Variants in ZNF704 observed in about 807,000 individuals in gnomAD.
ZNF704 encodes glucocorticoid induced gene 1.
ZNF704 carries 10 observed loss-of-function variants against 44.7 expected under a neutral mutation model. The ratio of observed to expected loss-of-function variants is 0.22; its 90% CI spans 0.14 to 0.38. ZNF704 has a LOEUF of 0.38. ZNF704 is among the 10% of genes least tolerant of loss of function. ZNF704 has a pLI of 1.00. For missense variants in ZNF704, 390 were observed against 545.5 expected, an observed-to-expected ratio of 0.71 and a Z score of 2.84; for synonymous variants, 211 against 207.6, an observed-to-expected ratio of 1.02 and a Z score of -0.14.
Position 80,633,588 on chromosome 8 carries a change from T to C in ZNF704, c.*7778A>G, listed in dbSNP as rs1467569839. 6.6e-6 allele frequency: 1 copy of C among 152,232 alleles called. No individual in the cohort carries two copies. Among genetic ancestry groups the C allele is most frequent in the East Asian group, 1.9e-4 (1 of 5,190 alleles). 9.4% of individuals were successfully genotyped at this position (152,232 alleles called of 1,614,324 possible). The stretch of plus-strand genomic sequence containing the variant: ...ACTAAGGTTTGAGCCAGGCCTTTAA[T>C]GAGCCCCTTCCCTCTTCCTTGCAAG... On this transcript the variant is annotated 3_prime_UTR_variant, in exon 9 of 9. Coordinates refer to ENST00000327835, the MANE Select transcript of ZNF704 (RefSeq NM_001033723.3).
chr8:80,733,521 C>CT (rs1296817277), intron 2 of ZNF704, among the ~76,000 whole-genome samples: 10 of 152,244 alleles, frequency 6.6e-5, no homozygotes, highest in Non-Finnish European at 1.2e-4. Flanking sequence ...GCTTCAGACT[C>CT]TGAGTGGGCC....
chr8:80,727,237 C>T (rs1806496194), intron 2 of ZNF704, among the ~76,000 whole-genome samples: 1 of 152,064 alleles, frequency 6.6e-6, no homozygotes, highest in Non-Finnish European at 1.5e-5. Context: ...CACATTTCTC[C>T]CTTGCTATAG....
intron 2 of ZNF704, among the ~76,000 whole-genome samples, chr8:80,802,266 G>A (rs1457344285): frequency 6.7e-6 from 1 of 149,572 alleles, no homozygotes; most frequent in African/African-American, 2.5e-5. Context: ...ACAAAGAAGA[G>A]CTGGTACTAT....
intron 2 of ZNF704, among the ~76,000 whole-genome samples, chr8:80,807,539 CA>C (rs397945386): frequency 7.3e-5 from 11 of 151,478 alleles, no homozygotes; most frequent in African/African-American, 2.7e-4. Flanking sequence ...TGACCCCCCC[CA>C]AAAAAAAGTT....
chr8:80,726,536 A>G (rs761622107), intron 2 of ZNF704, among the ~76,000 whole-genome samples: 4 of 152,208 alleles, frequency 2.6e-5, no homozygotes, highest in Admixed American at 6.5e-5. Flanking sequence ...TACATACTCA[A>G]AAGATTATGG....
intron 2 of ZNF704, among the ~76,000 whole-genome samples, chr8:80,769,246 A>G (rs1045884416): frequency 2.0e-5 from 3 of 152,200 alleles, no homozygotes; most frequent in African/African-American, 7.2e-5. Context: ...CCACTTACTC[A>G]GCAATTATTA....
chr8:80,713,932 A>G (rs1563528422), intron 2 of ZNF704, among the ~76,000 whole-genome samples: 1 of 152,214 alleles, frequency 6.6e-6, no homozygotes, highest in Non-Finnish European at 1.5e-5. Context: ...AGAAGAATAC[A>G]CTGCAATCCT....
chr8:80,689,198 T>G (rs1278934611), intron 3 of ZNF704, among the ~76,000 whole-genome samples: 1 of 152,190 alleles, frequency 6.6e-6, no homozygotes, highest in Non-Finnish European at 1.5e-5. Context: ...TAATTAGTAA[T>G]GGAGTGAAGA....
chr8:80,750,565 G>A (rs1187879410), intron 2 of ZNF704, among the ~76,000 whole-genome samples: 1 of 151,218 alleles, frequency 6.6e-6, no homozygotes, highest in East Asian at 1.9e-4. Flanking sequence ...GCCCAGGCTG[G>A]AGTGCAATGG....
At chr8:80,811,142 C>T (rs556551874) in intron 2 of ZNF704, among the ~76,000 whole-genome samples, 6 of 152,178 alleles carry the variant, frequency 3.9e-5, no homozygotes, top group African/African-American at 1.4e-4. Context: ...GGCTATAGAT[C>T]ACTTGAAATG....
chr8:80,768,871 T>C (rs1429641840), intron 2 of ZNF704, among the ~76,000 whole-genome samples: 1 of 152,190 alleles, frequency 6.6e-6, no homozygotes, highest in African/African-American at 2.4e-5. Context: ...GAGCTAGTTG[T>C]CAAATATTTA....
chr8:80,867,379 G>T (rs1809172832), intron 1 of ZNF704, among the ~76,000 whole-genome samples: 1 of 152,138 alleles, frequency 6.6e-6, no homozygotes, highest in African/African-American at 2.4e-5. Flanking sequence ...AACTCTAAGG[G>T]AGTGAGCTGT....
upstream of ZNF704, among the ~76,000 whole-genome samples, chr8:80,879,373 A>C (rs1809397870): frequency 6.6e-6 from 1 of 151,954 alleles, no homozygotes; most frequent in Non-Finnish European, 1.5e-5. Context: ...AGTAGCTGGG[A>C]CCACAGGCAT....
Position 80,874,403 on chromosome 8 carries a change from C to G in ZNF704, c.-22+168G>C, listed in dbSNP as rs1809326724. 6.7e-6 allele frequency among the ~76,000 whole-genome samples: 1 copy of G among 148,168 alleles called. No individual in the cohort carries two copies. Among genetic ancestry groups the G allele is most frequent in the Admixed American group, 6.7e-5 (1 of 14,928 alleles). ...GCGGCCGAGCCCGCGCGCGCCTCTC[C>G]CGGCCGGCTGCGCCCGCGCGCTCCG... On this transcript the variant is annotated intron_variant, in intron 1 of 8. Transcript: ENST00000327835. This position sits in a 1 kb window ranked among gnomAD's most constrained non-coding sequence, Gnocchi z 4.4.
chr8:80,694,618 A>C (rs1279549042), intron 2 of ZNF704, among the ~76,000 whole-genome samples: 1 of 152,372 alleles, frequency 6.6e-6, no homozygotes, highest in Non-Finnish European at 1.5e-5. Flanking sequence ...GCACTGCTTC[A>C]CAAAACAGTG....
At chr8:80,692,108 T>C (rs1201127324) in intron 3 of ZNF704, among the ~76,000 whole-genome samples, 1 of 152,120 alleles carries the variant, frequency 6.6e-6, no homozygotes, top group Non-Finnish European at 1.5e-5. Context: ...CAGCATAAAG[T>C]CCAAACTCCT....
intron 2 of ZNF704, among the ~76,000 whole-genome samples, chr8:80,702,222 GGCTGGGGAA>G (rs1818821374): frequency 6.6e-6 from 1 of 152,106 alleles, no homozygotes; most frequent in African/African-American, 2.4e-5. Context: ...GTAGGTGTGG[GGCTGGGGAA>G]GCTGATGCTT....
intron 2 of ZNF704, among the ~76,000 whole-genome samples, chr8:80,708,039 T>G (rs1818923812): frequency 6.6e-6 from 1 of 152,244 alleles, no homozygotes; most frequent in Admixed American, 6.5e-5. Context: ...TTATTTATAT[T>G]TTAATTGCAT....
At chr8:80,760,675 CCAAAAAA>C (rs1364096427) in intron 2 of ZNF704, among the ~76,000 whole-genome samples, 4 of 137,750 alleles carry the variant, frequency 2.9e-5, no homozygotes, top group African/African-American at 8.2e-5. Flanking sequence ...AAAAAAAAAA[CCAAAAAA>C]CAAAAAACAA....
Sources: allele counts gnomAD v4.1 joint callset (sites outside exome capture counted in the v4.1 genomes callset), GRCh38; gene constraint gnomAD v4.1.1; non-coding constraint Gnocchi (gnomAD v3.1); transcripts MANE v1.5; gene names NCBI Gene and HGNC (gene_info 2026-07-23, HGNC 2026-07-21).